The following TMC3 variants were observed in gnomAD, a reference collection of about 807,000 sequenced individuals.
TMC3 encodes transmembrane channel like 3.
A neutral mutation model predicts 110.6 loss-of-function variants in TMC3; 98 were observed. The observed-to-expected ratio is 0.89, with a 90% CI of 0.75 to 1.05. The LOEUF is 1.05. Among genes scored for constraint, TMC3 ranks in the 50% least tolerant of loss-of-function variants. The probability of loss-of-function intolerance (pLI) is 0.00; values close to 1 mark genes in which losing one functional copy is unlikely to be tolerated. For missense variants in TMC3, 1,319 were observed against 1,373.2 expected (o/e 0.96, Z 0.62); for synonymous variants, 489 against 513.1 (o/e 0.95, Z 0.63).
intron 1 of TMC3, 128 bp from the exon 2 acceptor site, chr15:81,372,865 T>TTGTGAGTGTGTGTG: frequency 1.7e-6 from 1 of 579,554 alleles, no homozygotes. Flanking sequence ...GTGTATGTGT[T>TTGTGAGTGTGTGTG]TGTGCGTGTG....
At chr15:81,350,896 T>TG (rs1489627142) in intron 10 of TMC3, among the ~76,000 whole-genome samples, 4 of 152,192 alleles carry the variant, frequency 2.6e-5, no homozygotes, top group South Asian at 2.1e-4. Flanking sequence ...CAACGGGGGT[T>TG]GGGGGGGAGA....
intron 4 of TMC3, 137 bp from the exon 5 acceptor site, chr15:81,359,608 G>T: frequency 1.7e-6 from 1 of 602,832 alleles, no homozygotes; most frequent in Non-Finnish European, 2.9e-6. Context: ...CAATCGAGGT[G>T]TTCCTTCCTA....
chr15:81,359,310 G>A (rs12903128), intron 5 of TMC3, 55 bp downstream of exon 5: 842,490 of 1,306,658 alleles, frequency 0.64, 281,785 homozygotes, highest in Non-Finnish European at 0.7. Flanking sequence ...CATTTTATGC[G>A]ACTGCTGTAA....
rs202030905 is a variant in TMC3, at chr15:81,348,809, A to ATTTG, written c.1193+645_1193+648dup. On this transcript the variant is annotated intron_variant, in intron 11 of 21. Transcript: ENST00000359440. Reference sequence around the variant, plus strand: ...ACCTCTTCTTGGTTCCCTTTTGTTCATTTGTTTGTTTGTTTGTTTGAGATG... The same window carrying ATTTG: ...ACCTCTTCTTGGTTCCCTTTTGTTCATTTGTTTGTTTGTTTGTTTGTTTGAGATG... 4.1e-4 allele frequency among the ~76,000 whole-genome samples: 63 copies of ATTTG among 151,822 alleles called. 1 individual carries two copies. The East Asian group carries it at 0.01, about 25-fold the overall frequency.
At position 81,356,559 on chromosome 15, in the gene TMC3, G is replaced by A. The variant is rs1163896188; in HGVS notation, c.779C>T (p.Ala260Val). ...GCAGAAGGTATAGTTTTCATTGGAA[G>A]CACTGGCAAGACTCGTGCGGGAGTT... ...AKNSRTSLAS[A>V]SNENYTFCWR... is the part of the protein sequence containing the mutation. Residue 260 changes from alanine (A) to valine (V), a missense_variant, in exon 8 of 22, where the codon GCT becomes GTT. By Grantham distance (64) the Ala-to-Val change is moderately conservative (BLOSUM62 0). Coordinates refer to ENST00000359440, the MANE Select transcript of TMC3 (RefSeq NM_001080532.3). 1.3e-6 allele frequency: 2 copies of A among 1,587,314 alleles called. No individual in the cohort carries two copies. The highest frequency in any genetic ancestry group is 2.7e-5 in the African/African-American group (2 of 74,358).
intron 2 of TMC3, among the ~76,000 whole-genome samples, chr15:81,371,858 G>T (rs1370186797): frequency 5.9e-5 from 9 of 152,196 alleles, no homozygotes; most frequent in Non-Finnish European, 1.3e-4. Flanking sequence ...AATATCCAGA[G>T]AGCTTAGTGG....
chr15:81,353,749 T>C (rs1211256938), intron 9 of TMC3, among the ~76,000 whole-genome samples: 1 of 152,266 alleles, frequency 6.6e-6, no homozygotes, highest in Non-Finnish European at 1.5e-5. Context: ...GACACATTTC[T>C]TGGAATGTGA....
At chr15:81,352,327 G>A (rs1396133514) in intron 9 of TMC3, among the ~76,000 whole-genome samples, 1 of 152,132 alleles carries the variant, frequency 6.6e-6, no homozygotes, top group Non-Finnish European at 1.5e-5. Context: ...TGGCATTTTG[G>A]TCAATGACGG....
At chr15:81,343,689 C>T (rs1389417681) in intron 14 of TMC3, among the ~76,000 whole-genome samples, 1 of 151,150 alleles carries the variant, frequency 6.6e-6, no homozygotes, top group Non-Finnish European at 1.5e-5. Flanking sequence ...ACTCGGGAGG[C>T]TGAGGCAGGA....
At chr15:81,365,977 A>T (rs539294519) in intron 3 of TMC3, among the ~76,000 whole-genome samples, 1 of 152,194 alleles carries the variant, frequency 6.6e-6, no homozygotes, top group African/African-American at 2.4e-5. Flanking sequence ...ACATATCATT[A>T]TACATACATA....
chr15:81,374,022 T>A lies in TMC3; in HGVS notation c.56A>T (p.Gln19Leu). Residue 19 changes from glutamine to leucine, a missense_variant, in exon 1 of 22, where the codon CAG becomes CTG. Transcript: ENST00000359440. ...CAGAGATTCCTGGTAGAGGTAGCAC[T>A]GGCTGGCATTTCTCCGGATGCCTCT... ...RYRGIRRNAS[Q>L]CYLYQESLLL... The A allele has an allele frequency of 2.5e-6, 4 of 1,613,898 alleles. No individual in the cohort carries two copies. Among genetic ancestry groups the A allele is most frequent in the Non-Finnish European group, 3.4e-6 (4 of 1,179,862 alleles).
chr15:81,351,813 C>T lies in TMC3; in HGVS notation c.964G>A (p.Ala322Thr), dbSNP rs1219668545. 2.5e-6 allele frequency: 4 copies of T among 1,611,684 alleles called. No homozygotes were observed. In the African/African-American group the frequency reaches 5.3e-5, roughly 22 times the overall value. ...LAVTICLRII[A>T]NILVLLSLAG... The stretch of plus-strand genomic sequence containing the variant: ...AGTGAGAGAAGCACCAGGATGTTGG[C>T]AATAATCCTCAGGCAGATGGTCACT... Residue 322 changes from alanine to threonine, a missense_variant, in exon 10 of 22, where the codon GCC (alanine) becomes ACC (threonine). Coordinates refer to ENST00000359440, the MANE Select transcript of TMC3 (RefSeq NM_001080532.3).
Position 81,359,376 on chromosome 15 carries a change from C to T in TMC3, c.490G>A (p.Val164Ile), listed in dbSNP as rs1894136192. The T allele has an allele frequency of 1.2e-5, 20 of 1,601,256 alleles. No homozygotes were observed. Among genetic ancestry groups the T allele is most frequent in the Non-Finnish European group, 1.7e-5 (20 of 1,174,816 alleles). The stretch of plus-strand genomic sequence containing the variant: ...CTGAAACATCTTACCTCTGGAATGA[C>T]AATAAAAGCACCTGTCATAATGGTG... ...VLTIMTGAFI[V>I]IPELIAGQPF... Residue 164 changes from valine to isoleucine, a missense_variant, in exon 5 of 22, where the codon GTC becomes ATC. Transcript: ENST00000359440.
chr15:81,341,863 A>C (rs935931945), intron 15 of TMC3, among the ~76,000 whole-genome samples: 3 of 152,212 alleles, frequency 2.0e-5, no homozygotes, highest in Non-Finnish European at 4.4e-5. Context: ...GTCTATGATG[A>C]GGACTGTGCT....
At chr15:81,351,644 G>A in intron 10 of TMC3, 50 bp downstream of exon 10, 1 of 1,547,678 alleles carries the variant, frequency 6.5e-7, no homozygotes, top group Non-Finnish European at 8.7e-7. Flanking sequence ...CAGCCACTGT[G>A]CCCAGCTATG....
At chr15:81,337,721 C>G (rs538465609) in intron 19 of TMC3, 125 bp downstream of exon 19, 2 of 783,654 alleles carry the variant, frequency 2.6e-6, no homozygotes, top group Admixed American at 2.0e-5. Context: ...GGCCTTGCAC[C>G]ATAGTGGGTG....
At chr15:81,345,302 A>G (rs537707223) in intron 12 of TMC3, among the ~76,000 whole-genome samples, 1 of 148,320 alleles carries the variant, frequency 6.7e-6, no homozygotes, top group African/African-American at 2.6e-5. Flanking sequence ...GATAACGATT[A>G]TTACCTCATG....
At chr15:81,343,073 G>A in intron 15 of TMC3, 1 of 503,136 alleles carries the variant, frequency 2.0e-6, no homozygotes, top group Non-Finnish European at 3.6e-6. Flanking sequence ...CTTAAACATG[G>A]ATTATTTTCT....
In TMC3 at chr15:81,344,836, A is replaced by G; in HGVS notation, c.1448T>C (p.Ile483Thr). 6.2e-7 allele frequency: 1 copy of G among 1,613,906 alleles called. No homozygotes were observed. ...GTGGAGGCTAGTCTTGTTGGCCTTTATAAGAGGCATGGTATAAGCTGAAAT... is the reference window on the plus strand; with the variant it reads ...GTGGAGGCTAGTCTTGTTGGCCTTTGTAAGAGGCATGGTATAAGCTGAAAT... ...TSISAYTMPLIKANKTSLHTQ... is the reference protein window; with the variant it reads ...TSISAYTMPLTKANKTSLHTQ... Residue 483 changes from isoleucine to threonine, a missense_variant, in exon 13 of 22, where the codon ATA becomes ACA. Ile to Thr is a moderately conservative substitution (Grantham distance 89, BLOSUM62 -1). Transcript: ENST00000359440.
Sources: allele counts gnomAD v4.1 joint callset (sites outside exome capture counted in the v4.1 genomes callset), GRCh38; gene constraint gnomAD v4.1.1; transcripts MANE v1.5; gene names NCBI Gene and HGNC (gene_info 2026-07-23, HGNC 2026-07-21).